PABPC4L: variants seen among roughly 807,000 people sequenced by gnomAD.
The protein encoded by PABPC4L is polyadenylate-binding protein 4-like.
For missense variants in PABPC4L, 452 were observed against 451.4 expected (o/e 1.00, Z -0.01); for synonymous variants, 169 against 164.1 (o/e 1.03, Z -0.23).
the PABPC4L span, among the ~76,000 whole-genome samples, chr4:134,177,188 T>C: frequency 1.4e-5 from 2 of 140,598 alleles, no homozygotes; most frequent in Admixed American, 6.9e-5. Context: ...TTTCTTTTCT[T>C]TTTTTTTTTT....
chr4:134,111,458 A>T, the PABPC4L span, among the ~76,000 whole-genome samples: 1 of 152,028 alleles, frequency 6.6e-6, no homozygotes, highest in African/African-American at 2.4e-5. Flanking sequence ...ATGTGTATGT[A>T]ACTGTGACAT....
chr4:133,963,036 A>T, the PABPC4L span, among the ~76,000 whole-genome samples: 2 of 152,238 alleles, frequency 1.3e-5, no homozygotes, highest in Admixed American at 1.3e-4. Context: ...TCCACTTAAA[A>T]GATACAGAAC....
the PABPC4L span, among the ~76,000 whole-genome samples, chr4:134,117,208 T>C: frequency 6.6e-6 from 1 of 151,800 alleles, no homozygotes; most frequent in South Asian, 2.1e-4. Context: ...AGGGGTCCTA[T>C]GTTCTCCCTG....
chr4:133,983,918 T>C, the PABPC4L span, among the ~76,000 whole-genome samples: 2 of 151,866 alleles, frequency 1.3e-5, no homozygotes, highest in African/African-American at 2.4e-5. Context: ...TCTTGAAATA[T>C]TGACTAATCA....
chr4:134,145,553 A>G, the PABPC4L span, among the ~76,000 whole-genome samples: 1 of 151,846 alleles, frequency 6.6e-6, no homozygotes, highest in East Asian at 1.9e-4. Context: ...AGTAAGTCAA[A>G]TGTAAATGAG....
At chr4:134,173,855 T>G in the PABPC4L span, among the ~76,000 whole-genome samples, 6 of 152,076 alleles carry the variant, frequency 3.9e-5, no homozygotes, top group South Asian at 1.2e-3. Context: ...TGTATATCCA[T>G]AGTAATTAAA....
At chr4:134,106,134 T>A in the PABPC4L span, among the ~76,000 whole-genome samples, 3 of 151,566 alleles carry the variant, frequency 2.0e-5, no homozygotes, top group Non-Finnish European at 3.0e-5. Flanking sequence ...CTGAAAGCCG[T>A]GATTTGTCAA....
the PABPC4L span, among the ~76,000 whole-genome samples, chr4:134,133,720 T>TATA: frequency 2.0e-5 from 3 of 151,792 alleles, no homozygotes; most frequent in African/African-American, 7.2e-5. Context: ...GACAAAAGAC[T>TATA]ATACACTGGG....
chr4:134,172,076 T>C, the PABPC4L span, among the ~76,000 whole-genome samples: 20 of 152,116 alleles, frequency 1.3e-4, no homozygotes, highest in Non-Finnish European at 2.2e-4. Flanking sequence ...TCAATATTGT[T>C]ATAATGGCCA....
At chr4:133,948,782 A>G in the PABPC4L span, among the ~76,000 whole-genome samples, 1 of 152,320 alleles carries the variant, frequency 6.6e-6, no homozygotes, top group African/African-American at 2.4e-5. Flanking sequence ...GTTGAGGGCT[A>G]GTACCAAAAA....
At chr4:134,095,754 C>A in the PABPC4L span, among the ~76,000 whole-genome samples, 2 of 151,928 alleles carry the variant, frequency 1.3e-5, no homozygotes, top group African/African-American at 4.8e-5. Context: ...GGCTTCCTTG[C>A]ACTTTAGTAC....
At chr4:134,140,632 A>G in the PABPC4L span, among the ~76,000 whole-genome samples, 4 of 151,982 alleles carry the variant, frequency 2.6e-5, no homozygotes, top group African/African-American at 9.6e-5. Context: ...TGTCTCACAT[A>G]AGAGTAGATA....
chr4:133,953,347 G>A, the PABPC4L span, among the ~76,000 whole-genome samples: 1 of 152,046 alleles, frequency 6.6e-6, no homozygotes, highest in East Asian at 1.9e-4. Context: ...TTTTGTTTCT[G>A]TCTATCTTCC....
chr4:134,013,931 A>C, the PABPC4L span, among the ~76,000 whole-genome samples: 3 of 152,070 alleles, frequency 2.0e-5, no homozygotes, highest in African/African-American at 4.8e-5. Context: ...TTACAGTTTC[A>C]TTCCGTGACT....
the PABPC4L span, among the ~76,000 whole-genome samples, chr4:134,079,138 A>AT: frequency 6.7e-6 from 1 of 150,116 alleles, no homozygotes; most frequent in Non-Finnish European, 1.5e-5. Flanking sequence ...CGCCCAGCTA[A>AT]TTTTTGTATT....
At chr4:134,024,955 AG>A in the PABPC4L span, among the ~76,000 whole-genome samples, 1 of 138,958 alleles carries the variant, frequency 7.2e-6, no homozygotes, top group African/African-American at 2.7e-5. Context: ...TTTTAAGAAA[AG>A]GGGTCTTACT....
chr4:134,188,598 G>T, the PABPC4L span, among the ~76,000 whole-genome samples: 3 of 151,922 alleles, frequency 2.0e-5, no homozygotes, highest in Admixed American at 1.3e-4. Flanking sequence ...AGAAGTTGTT[G>T]TTTGTTGGTT....
chr4:134,069,336 T>A, the PABPC4L span, among the ~76,000 whole-genome samples: 2 of 152,154 alleles, frequency 1.3e-5, no homozygotes, highest in Non-Finnish European at 2.9e-5. Context: ...TCAGAGGGGT[T>A]CTCTGCATTT....
the PABPC4L span, among the ~76,000 whole-genome samples, chr4:134,046,581 G>C: frequency 6.6e-6 from 1 of 152,118 alleles, no homozygotes; most frequent in East Asian, 1.9e-4. Context: ...TATGGGGCTG[G>C]GGGATGGTCC....
Sources: gnomAD v4.1 joint callset for allele counts (sites outside exome capture counted in the v4.1 genomes callset) on GRCh38, gnomAD v4.1.1 for gene constraint, MANE v1.5 for transcripts, NCBI Gene and HGNC (gene_info 2026-07-23, HGNC 2026-07-21) for gene names.